The following VPS28 variants were observed in gnomAD, a reference collection of about 807,000 sequenced individuals.
The protein encoded by VPS28 is VPS28 subunit of ESCRT-I.
VPS28 carries 29 observed loss-of-function variants against 33.7 expected under a neutral mutation model. That is an observed-to-expected ratio of 0.86 (90% CI 0.64 to 1.17). The LOEUF (loss-of-function observed/expected upper bound fraction) is 1.17, where lower values mean the gene tolerates loss of function less well. Among genes scored for constraint, VPS28 ranks in the 50% most tolerant of loss-of-function variants. The pLI, the probability that VPS28 is intolerant of heterozygous loss-of-function variation, is 0.00. For missense variants in VPS28, 247 were observed against 312.2 expected, an observed-to-expected ratio of 0.79 and a Z score of 1.57; for synonymous variants, 164 against 116.7, an observed-to-expected ratio of 1.40 and a Z score of -2.61.
At chr8:144,424,588 A>G in intron 7 of VPS28, 130 bp downstream of exon 7, 3 of 1,057,492 alleles carry the variant, frequency 2.8e-6, no homozygotes, top group East Asian at 4.9e-5. Flanking sequence ...TTCCTAGTTA[A>G]AGGGGTTCCC....
At chr8:144,424,626 C>G (rs1822594014) in intron 7 of VPS28, 92 bp downstream of exon 7, 1 of 1,363,356 alleles carries the variant, frequency 7.3e-7, no homozygotes, top group Admixed American at 1.7e-5. Context: ...GAGTGCTGCT[C>G]AGCTCTGGAG....
intron 1 of VPS28, among the ~76,000 whole-genome samples, chr8:144,428,095 G>C (rs1299163247): frequency 6.6e-6 from 1 of 152,082 alleles, no homozygotes; most frequent in African/African-American, 2.4e-5. Flanking sequence ...AGCCGGGAAA[G>C]GGCGTCGCCG....
intron 5 of VPS28, chr8:144,425,258 GA>G: frequency 1.7e-6 from 1 of 602,442 alleles, no homozygotes; most frequent in East Asian, 2.8e-5. Flanking sequence ...TCCAGGTGGA[GA>G]CCCCGGCCCC....
At chr8:144,425,086 C>G (rs1354351567) in intron 5 of VPS28, 35 bp from the exon 6 acceptor site, 1 of 1,526,144 alleles carries the variant, frequency 6.6e-7, no homozygotes, top group Admixed American at 2.0e-5. Flanking sequence ...AAGCATGGGA[C>G]CAGCCCCACC....
At position 144,423,716 on chromosome 8, in the gene VPS28, G is replaced by C; in HGVS notation, c.*89C>G. Reference sequence around the variant, plus strand: ...CAGGCAGCTGCAGACAGTGAGTTGTGTGGATGACCACGGCCTGTGTGGCGG... The same window carrying C: ...CAGGCAGCTGCAGACAGTGAGTTGTCTGGATGACCACGGCCTGTGTGGCGG... On this transcript the variant is annotated 3_prime_UTR_variant, in exon 10 of 10. Transcript: ENST00000292510. 1 of 1,529,758 alleles carries C rather than the reference G, an allele frequency of 6.5e-7. No homozygotes were observed. Among genetic ancestry groups the C allele is most frequent in the African/African-American group, 1.4e-5 (1 of 73,156 alleles). 94.8% of individuals were successfully genotyped at this position (1,529,758 alleles called of 1,614,324 possible).
At position 144,426,947 on chromosome 8, in the gene VPS28, C is replaced by T. The variant is rs1457035517; in HGVS notation, c.-2G>A. 1.2e-6 allele frequency: 2 copies of T among 1,612,516 alleles called. No homozygotes were observed. Among genetic ancestry groups the T allele is most frequent in the Non-Finnish European group, 1.7e-6 (2 of 1,179,728 alleles). ...CGTGGCTGGGATCCCATGAAACATC[C>T]TCTAGGCTCTGGGGGGGGCACAGCA... On this transcript the variant is annotated 5_prime_UTR_variant, in exon 2 of 10. Coordinates refer to ENST00000292510, the MANE Select transcript of VPS28 (RefSeq NM_016208.4).
intron 6 of VPS28, 53 bp from the exon 7 acceptor site, chr8:144,424,872 G>A (rs1822617191): frequency 2.5e-6 from 4 of 1,612,202 alleles, no homozygotes; most frequent in Admixed American, 1.7e-5. Context: ...GCCCCAGGTG[G>A]CCAGAGCCCT....
Position 144,426,286 on chromosome 8 carries a change from C to G in VPS28, c.38-78G>C. ...CAGACTCCAGTCCCAGTCTCCATTTCAGTTCCTCCCTGAGGCCTCCCAGGC... is the reference window on the plus strand; with the variant it reads ...CAGACTCCAGTCCCAGTCTCCATTTGAGTTCCTCCCTGAGGCCTCCCAGGC... On this transcript the variant is annotated intron_variant, in intron 2 of 9. Coordinates refer to ENST00000292510, the MANE Select transcript of VPS28 (RefSeq NM_016208.4). 4.1e-6 allele frequency: 6 copies of G among 1,472,656 alleles called. No homozygotes were observed. In the South Asian group the frequency reaches 8.3e-5, roughly 20 times the overall value. The allele number at this position is 1,472,656 out of a possible 1,614,324, so 91.2% of individuals were successfully genotyped here. A position where few individuals can be genotyped will look rare whatever the true frequency, so the allele number is the denominator to read the frequency against.
At chr8:144,426,873 G>C (rs368956533) in intron 2 of VPS28, 36 bp downstream of exon 2, 4 of 1,611,180 alleles carry the variant, frequency 2.5e-6, no homozygotes, top group Admixed American at 3.3e-5. Flanking sequence ...CCCTGCAGAA[G>C]CGGCTGAAAG....
In VPS28 at chr8:144,424,829, G is replaced by T; in HGVS notation, c.301-10C>A. 1 of 1,613,856 alleles carries T rather than the reference G, an allele frequency of 6.2e-7. No homozygotes were observed. ...CCAGCGGGCAGTCCAGCTGTTGGGGGTGACATGGGTGCTGGGGCTCTCAGG... is the reference window on the plus strand; with the variant it reads ...CCAGCGGGCAGTCCAGCTGTTGGGGTTGACATGGGTGCTGGGGCTCTCAGG... On this transcript the variant is annotated splice_polypyrimidine_tract_variant and intron_variant, in intron 6 of 9. Coordinates refer to ENST00000292510, the MANE Select transcript of VPS28 (RefSeq NM_016208.4).
In VPS28 at chr8:144,425,664, C is replaced by T. The variant is rs781874527; in HGVS notation, c.194+19G>A. ...GCCCCCCAGGGCAGGAACAGACCTC[C>T]CAGGACGTGGGCTCTTACTCGCTGG... On this transcript the variant is annotated intron_variant, in intron 5 of 9. Coordinates refer to ENST00000292510, the MANE Select transcript of VPS28 (RefSeq NM_016208.4). 2 of 1,613,226 alleles carry T rather than the reference C, an allele frequency of 1.2e-6. No individual in the cohort carries two copies. The highest frequency in any genetic ancestry group is 4.5e-5 in the East Asian group (2 of 44,870).
intron 5 of VPS28, 194 bp from the exon 6 acceptor site, chr8:144,425,245 G>A (rs1752820414): frequency 8.3e-6 from 5 of 605,558 alleles, no homozygotes; most frequent in South Asian, 2.0e-5. Context: ...CTTGTAGCTC[G>A]GCTCCAGGTG....
Position 144,423,652 on chromosome 8 carries a change from C to T in VPS28, c.*153G>A. On this transcript the variant is annotated 3_prime_UTR_variant, in exon 10 of 10. Coordinates refer to ENST00000292510, the MANE Select transcript of VPS28 (RefSeq NM_016208.4). ...GAGCATCTTTATTGTGGGGAGGGGC[C>T]CGGCCCCCAAAGTTCTGACACCAAA... is the stretch of plus-strand genomic sequence containing the variant. The T allele has an allele frequency of 9.9e-7, 1 of 1,007,502 alleles. No homozygotes were observed. The highest frequency in any genetic ancestry group is 1.5e-6 in the Non-Finnish European group (1 of 681,012). The allele number at this position is 1,007,502 out of a possible 1,614,324, so 62.4% of individuals were successfully genotyped here.
chr8:144,425,185 G>A (rs952400810), intron 5 of VPS28, 134 bp from the exon 6 acceptor site: 7 of 752,010 alleles, frequency 9.3e-6, no homozygotes, highest in African/African-American at 3.5e-5. Flanking sequence ...GAGCAAGGAG[G>A]AGGGGCTGCT....
chr8:144,423,975 G>C (rs782728653), intron 9 of VPS28, 53 bp from the exon 10 acceptor site: 1 of 1,610,674 alleles, frequency 6.2e-7, no homozygotes, highest in Non-Finnish European at 8.5e-7. Context: ...GGGCACTGCG[G>C]GGCTCCGCCT....
At chr8:144,426,150 A>G (rs1554876705) in intron 3 of VPS28, 30 bp downstream of exon 3, 1 of 1,598,670 alleles carries the variant, frequency 6.3e-7, no homozygotes, top group Non-Finnish European at 8.5e-7. Context: ...CTGTTGGCCA[A>G]TGCCGGCCGG....
In VPS28 at chr8:144,424,966, C is replaced by A; in HGVS notation, c.280G>T (p.Glu94Ter). Residue 94 changes from glutamate to a stop codon, truncating the protein, a stop_gained, in exon 6 of 10, where the codon GAA becomes TAA. Transcript: ENST00000292510. LOFTEE classifies it high-confidence loss of function. ...VQGSEISSIDEFCRKFRLDCP... is the reference protein window; with the variant it reads ...VQGSEISSID ...CTCACGCGGAACTTGCGGCAGAATT[C>A]GTCAATAGAGCTGATTTCTGAGCCC... The A allele has an allele frequency of 6.4e-7, 1 of 1,568,564 alleles. No homozygotes were observed. Among genetic ancestry groups the A allele is most frequent in the Non-Finnish European group, 8.7e-7 (1 of 1,155,730 alleles).
chr8:144,426,927 C>G lies in VPS28; in HGVS notation c.19G>C (p.Ala7Pro), dbSNP rs1312659264. The change falls in exon 2 of 10, where the codon GCC becomes CCC. Residue 7 changes from alanine (A) to proline (P), a missense_variant. This residue lies in a region of VPS28 where 149 missense variants were observed against 172.8 expected (regional missense o/e 0.86). Transcript: ENST00000292510. MFHGIP[A>P]TPGIGAPGNK... ...CACTCACCTCCTATGCCCGGCGTGG[C>G]TGGGATCCCATGAAACATCCTCTAG... is the stretch of plus-strand genomic sequence containing the variant. The G allele has an allele frequency of 6.2e-6, 10 of 1,612,554 alleles. No individual in the cohort carries two copies. The highest frequency in any genetic ancestry group is 8.5e-6 in the Non-Finnish European group (10 of 1,179,784).
chr8:144,425,256 G>A (rs1193584680), intron 5 of VPS28: 5 of 602,208 alleles, frequency 8.3e-6, no homozygotes, highest in Non-Finnish European at 1.5e-5. Context: ...GCTCCAGGTG[G>A]AGACCCCGGC....
Sources: gnomAD v4.1 joint callset for allele counts (sites outside exome capture counted in the v4.1 genomes callset) on GRCh38, gnomAD v4.1.1 for gene constraint, gnomAD v4.1.1 regional missense constraint, MANE v1.5 for transcripts, NCBI Gene and HGNC (gene_info 2026-07-23, HGNC 2026-07-21) for gene names.